The following RASSF3 variants were observed in gnomAD, a reference collection of about 807,000 sequenced individuals.
The protein encoded by RASSF3 is ras association domain-containing protein 3.
In RASSF3, 19 loss-of-function variants were observed where a neutral mutation model predicts 19.9. The ratio of observed to expected loss-of-function variants is 0.96; its 90% CI spans 0.67 to 1.40. The LOEUF is 1.40. Ranked by LOEUF, RASSF3 falls within the 40% of genes most tolerant of loss-of-function variation. The pLI is 0.00. For synonymous variants in RASSF3, 110 were observed against 104.2 expected (o/e 1.06, Z -0.34); for missense variants, 306 against 289.8 (o/e 1.06, Z -0.41).
chr12:64,543,301 G>A (rs1379801147), downstream of RASSF3, among the ~76,000 whole-genome samples: 3 of 151,156 alleles, frequency 2.0e-5, no homozygotes, highest in South Asian at 2.1e-4. Flanking sequence ...GGGTGCTTTG[G>A]GTCCCACAGC....
chr12:64,647,491 A>G (rs374025724), intron 1 of RASSF3, among the ~76,000 whole-genome samples: 26 of 149,618 alleles, frequency 1.7e-4, no homozygotes, highest in Admixed American at 1.5e-3. Flanking sequence ...GCTCACTGCA[A>G]CCTCCGCCTC....
chr12:64,529,042 T>C (rs928776352), upstream of RASSF3, among the ~76,000 whole-genome samples: 3 of 152,144 alleles, frequency 2.0e-5, no homozygotes, highest in Admixed American at 6.6e-5. Flanking sequence ...ACAACAGAGG[T>C]AGCTTTTATT....
intron 2 of RASSF3, among the ~76,000 whole-genome samples, chr12:64,600,300 A>G (rs1362118246): frequency 6.6e-6 from 1 of 151,832 alleles, no homozygotes; most frequent in Non-Finnish European, 1.5e-5. Context: ...AACACACACA[A>G]ACACACACAG....
At chr12:64,621,707 G>A (rs943773577) in intron 1 of RASSF3, among the ~76,000 whole-genome samples, 8 of 152,170 alleles carry the variant, frequency 5.3e-5, no homozygotes, top group African/African-American at 1.4e-4. Context: ...CCTGATCTCC[G>A]GTAATCTACC....
intron 1 of RASSF3, among the ~76,000 whole-genome samples, chr12:64,522,495 C>T (rs1003492545): frequency 1.3e-4 from 20 of 151,882 alleles, no homozygotes; most frequent in Non-Finnish European, 2.8e-4. Context: ...CAGCCCAGCA[C>T]GTTCACAAAA....
intron 1 of RASSF3, among the ~76,000 whole-genome samples, chr12:64,646,746 A>ATTTT (rs5798750): frequency 7.0e-6 from 1 of 143,868 alleles, no homozygotes; most frequent in Non-Finnish European, 1.5e-5. Flanking sequence ...TTCTCTCTCC[A>ATTTT]TTTTTTTTTT....
At chr12:64,678,630 TAA>T (rs1872994880) in intron 1 of RASSF3, among the ~76,000 whole-genome samples, 2 of 101,094 alleles carry the variant, frequency 2.0e-5, no homozygotes, top group African/African-American at 8.0e-5. Flanking sequence ...CTTTATTTTT[TAA>T]AGAGATCCGT....
intron 2 of RASSF3, among the ~76,000 whole-genome samples, chr12:64,559,570 C>G (rs1869314991): frequency 6.6e-6 from 1 of 152,052 alleles, no homozygotes; most frequent in Non-Finnish European, 1.5e-5. Context: ...CGCCTGGCCC[C>G]TTGTGGGTCC....
intron 1 of RASSF3, among the ~76,000 whole-genome samples, chr12:64,650,276 T>TGCCTCAAGGCAAGCCTGAAGCAGC: frequency 6.6e-6 from 1 of 152,298 alleles, no homozygotes; most frequent in Admixed American, 6.5e-5. Flanking sequence ...GAGGAAGCAG[T>TGCCTCAAGGCAAGCCTGAAGCAGC]GCCTCAAGGC....
At chr12:64,543,352 C>G (rs1868975289), downstream of RASSF3, among the ~76,000 whole-genome samples, 1 of 149,758 alleles carries the variant, frequency 6.7e-6, no homozygotes, top group Admixed American at 6.6e-5. Context: ...TCTCGCCGGG[C>G]CTTAGCTGCC....
At chr12:64,649,215 T>C (rs997007337) in intron 1 of RASSF3, among the ~76,000 whole-genome samples, 1 of 151,028 alleles carries the variant, frequency 6.6e-6, no homozygotes, top group Non-Finnish European at 1.5e-5. Context: ...TTTTTTGGGA[T>C]GGAGTCTCGC....
At chr12:64,663,476 C>T (rs1407147265) in intron 1 of RASSF3, among the ~76,000 whole-genome samples, 1 of 151,784 alleles carries the variant, frequency 6.6e-6, no homozygotes, top group Non-Finnish European at 1.5e-5. Context: ...ATATACATAT[C>T]AGGGATGCAA....
chr12:64,516,573 C>G (rs1325978286), intron 1 of RASSF3, among the ~76,000 whole-genome samples: 6 of 149,558 alleles, frequency 4.0e-5, no homozygotes, highest in African/African-American at 9.9e-5. Context: ...GAGCCGAGAT[C>G]CCGCCACTGC....
chr12:64,621,216 G>GTGAACGTC (rs1464441183), intron 1 of RASSF3, among the ~76,000 whole-genome samples: 1 of 152,210 alleles, frequency 6.6e-6, no homozygotes, highest in Non-Finnish European at 1.5e-5. Context: ...GATTACAGAC[G>GTGAACGTC]TGAGGCACTG....
At chr12:64,561,569 G>C (rs79796792) in intron 2 of RASSF3, among the ~76,000 whole-genome samples, 1,745 of 152,128 alleles carry the variant, frequency 0.011, 18 homozygotes, top group Non-Finnish European at 0.018. Context: ...ACAGCTCATT[G>C]ATCTCAGAGT....
downstream of RASSF3, among the ~76,000 whole-genome samples, chr12:64,546,487 G>A (rs1038572739): frequency 1.3e-5 from 2 of 152,114 alleles, no homozygotes; most frequent in Non-Finnish European, 2.9e-5. Flanking sequence ...AGCCAGGATG[G>A]TCTCGATCTC....
At chr12:64,555,547 A>T (rs181589499) in intron 2 of RASSF3, among the ~76,000 whole-genome samples, 11 of 152,112 alleles carry the variant, frequency 7.2e-5, no homozygotes, top group Middle Eastern at 3.4e-3. Flanking sequence ...CAGGAGATTG[A>T]GACCATCCTG....
At chr12:64,575,526 T>G (rs1869581538) in intron 2 of RASSF3, 1 of 152,242 alleles carries the variant, frequency 6.6e-6, no homozygotes, top group Non-Finnish European at 1.5e-5. Flanking sequence ...GGATGGCCAC[T>G]GCACTCCAGC....
intron 2 of RASSF3, among the ~76,000 whole-genome samples, chr12:64,557,204 T>C (rs1348272028): frequency 1.3e-5 from 2 of 152,116 alleles, no homozygotes; most frequent in Non-Finnish European, 2.9e-5. Flanking sequence ...GCTTACCTTG[T>C]TATGTGACCC....
Sources: allele counts gnomAD v4.1 joint callset (sites outside exome capture counted in the v4.1 genomes callset), GRCh38; gene constraint gnomAD v4.1.1; transcripts MANE v1.5; gene names NCBI Gene and HGNC (gene_info 2026-07-23, HGNC 2026-07-21).